Variants in SAXO1 observed in about 807,000 individuals in gnomAD.
SAXO1 encodes 4930500O09Rik.
A neutral mutation model predicts 17.5 loss-of-function variants in SAXO1; 21 were observed. The observed-to-expected ratio is 1.20, with a 90% CI of 0.85 to 1.72. The LOEUF (loss-of-function observed/expected upper bound fraction) is 1.72, where lower values mean the gene tolerates loss of function less well. Ranked by LOEUF, SAXO1 falls within the 40% of genes most tolerant of loss-of-function variation. The probability of loss-of-function intolerance (pLI) is 0.00; values close to 1 mark genes in which losing one functional copy is unlikely to be tolerated. For synonymous variants in SAXO1, 274 were observed against 216.5 expected (o/e 1.27, Z -2.33); for missense variants, 843 against 596.0 (o/e 1.41, Z -4.32).
At chr9:19,015,385 C>G (rs1834930040) in intron 1 of SAXO1, among the ~76,000 whole-genome samples, 1 of 152,064 alleles carries the variant, frequency 6.6e-6, no homozygotes, top group Non-Finnish European at 1.5e-5. Context: ...ATCCTGTCAC[C>G]CAGGCTGGAG....
At chr9:18,934,418 G>A (rs762140916) in intron 3 of SAXO1, among the ~76,000 whole-genome samples, 2 of 152,054 alleles carry the variant, frequency 1.3e-5, no homozygotes, top group African/African-American at 2.4e-5. Flanking sequence ...CATTTTTGCT[G>A]ATTCTTATGC....
At chr9:18,944,929 T>C (rs1831725820) in intron 2 of SAXO1, among the ~76,000 whole-genome samples, 1 of 152,234 alleles carries the variant, frequency 6.6e-6, no homozygotes, top group Non-Finnish European at 1.5e-5. Context: ...TATATTAAAA[T>C]GGAATCCATC....
intron 1 of SAXO1, among the ~76,000 whole-genome samples, chr9:19,016,368 G>A (rs55708210): frequency 2.8e-3 from 432 of 152,300 alleles, no homozygotes; most frequent in Non-Finnish European, 2.9e-3. Flanking sequence ...CCCAGGTGGC[G>A]GAGGTTGTAG....
At chr9:19,000,343 G>A (rs7045579) in intron 1 of SAXO1, among the ~76,000 whole-genome samples, 37,175 of 148,340 alleles carry the variant, frequency 0.25, 4,793 homozygotes, top group African/African-American at 0.37. Flanking sequence ...ACCCTGTCTG[G>A]GAAGTGAGGA....
At chr9:19,003,832 G>C (rs1434590232) in intron 1 of SAXO1, among the ~76,000 whole-genome samples, 1 of 152,106 alleles carries the variant, frequency 6.6e-6, no homozygotes, top group East Asian at 1.9e-4. Flanking sequence ...ACATAGGCAA[G>C]GGCAAAGACT....
Position 18,928,324 on chromosome 9 carries a change from T to G in SAXO1, c.1153A>C (p.Asn385His). 1 of 1,613,434 alleles carries G rather than the reference T, an allele frequency of 6.2e-7. No homozygotes were observed. The highest frequency in any genetic ancestry group is 8.5e-7 in the Non-Finnish European group (1 of 1,179,660). ...CAATGAGGCTTACAGCTTTTGGTAT[T>G]GATAGGCAGGTGGGGCACATAGTGG... ...RAHYVPHLPI[N>H]TKSCKPHWSG... The change falls in exon 4 of 4, where the codon AAT (asparagine) becomes CAT (histidine). Residue 385 changes from asparagine (N) to histidine (H), a missense_variant. Asn to His is a moderately conservative substitution (Grantham distance 68). Transcript: ENST00000380534.
chr9:18,992,064 G>C (rs1204769376), intron 1 of SAXO1, among the ~76,000 whole-genome samples: 3 of 152,174 alleles, frequency 2.0e-5, no homozygotes, highest in Non-Finnish European at 2.9e-5. Flanking sequence ...CCCCCAATGA[G>C]ATAGGTGTGA....
At chr9:19,040,655 GAA>G (rs936128844) in intron 1 of SAXO1, among the ~76,000 whole-genome samples, 52 of 147,610 alleles carry the variant, frequency 3.5e-4, no homozygotes, top group African/African-American at 1.3e-3. Flanking sequence ...AAAAAAAGAA[GAA>G]AAAAAAAGAG....
At chr9:19,009,211 A>C (rs1834617982) in intron 1 of SAXO1, among the ~76,000 whole-genome samples, 1 of 150,954 alleles carries the variant, frequency 6.6e-6, no homozygotes, top group African/African-American at 2.4e-5. Flanking sequence ...AGAGTAAAAA[A>C]AAATCTTCAC....
intron 1 of SAXO1, among the ~76,000 whole-genome samples, chr9:18,990,983 C>A (rs1006519597): frequency 8.5e-5 from 13 of 152,276 alleles, no homozygotes; most frequent in South Asian, 2.1e-4. Flanking sequence ...CAAGGCGGGG[C>A]ATGGTGACTC....
chr9:18,969,064 T>TC (rs1176572648), intron 1 of SAXO1, among the ~76,000 whole-genome samples: 2 of 152,102 alleles, frequency 1.3e-5, no homozygotes, highest in African/African-American at 4.8e-5. Context: ...TGCAGTTTTT[T>TC]TTTTTGTCTA....
At chr9:18,988,170 C>G (rs970964422) in intron 1 of SAXO1, among the ~76,000 whole-genome samples, 1 of 152,208 alleles carries the variant, frequency 6.6e-6, no homozygotes, top group Non-Finnish European at 1.5e-5. Flanking sequence ...AGTTTTGCAA[C>G]TTCCTAGCCA....
chr9:19,003,719 C>T lies in SAXO1; in HGVS notation c.38+29152G>A, dbSNP rs558253553. Among the ~76,000 whole-genome samples the T allele has an allele frequency of 7.2e-5, 11 of 152,308 alleles. No individual in the cohort carries two copies. The East Asian group carries it at 2.1e-3, about 29-fold the overall frequency. ...TAGAAAGCTAAAACTGGACTCCTTC[C>T]TTACACCTTAAACAAAAATTGACTC... On this transcript the variant is annotated intron_variant, in intron 1 of 3. Transcript: ENST00000380534.
At chr9:18,972,011 G>C (rs1374336696) in intron 1 of SAXO1, among the ~76,000 whole-genome samples, 1 of 152,150 alleles carries the variant, frequency 6.6e-6, no homozygotes, top group Non-Finnish European at 1.5e-5. Flanking sequence ...AAAGAACCAC[G>C]CTGGAAAAAT....
intron 3 of SAXO1, among the ~76,000 whole-genome samples, chr9:18,940,439 C>T (rs1422182814): frequency 6.6e-6 from 1 of 152,202 alleles, no homozygotes; most frequent in Non-Finnish European, 1.5e-5. Flanking sequence ...GTCTTCAGTT[C>T]CTGGAAGAAT....
At chr9:18,971,673 C>G (rs535007198) in intron 1 of SAXO1, among the ~76,000 whole-genome samples, 3 of 152,172 alleles carry the variant, frequency 2.0e-5, no homozygotes, top group African/African-American at 7.2e-5. Flanking sequence ...AATGAAATTA[C>G]TTCCCTATAC....
At chr9:18,957,147 G>A (rs1468940412) in intron 1 of SAXO1, among the ~76,000 whole-genome samples, 3 of 152,094 alleles carry the variant, frequency 2.0e-5, no homozygotes, top group Admixed American at 6.6e-5. Flanking sequence ...AGTCTTCCAA[G>A]ACATCCTCCT....
chr9:18,965,106 C>T (rs1832659787), intron 1 of SAXO1, among the ~76,000 whole-genome samples: 1 of 152,222 alleles, frequency 6.6e-6, no homozygotes, highest in African/African-American at 2.4e-5. Context: ...TTTGATTGCA[C>T]TGTGGCCTGA....
intron 1 of SAXO1, among the ~76,000 whole-genome samples, chr9:18,987,893 T>C (rs1833659486): frequency 1.8e-5 from 2 of 113,840 alleles, no homozygotes; most frequent in African/African-American, 2.7e-5. Flanking sequence ...TGAGACCCTG[T>C]CTCAAAAAAA....
Sources: gnomAD v4.1 joint callset for allele counts (sites outside exome capture counted in the v4.1 genomes callset) on GRCh38, gnomAD v4.1.1 for gene constraint, MANE v1.5 for transcripts, NCBI Gene and HGNC (gene_info 2026-07-23, HGNC 2026-07-21) for gene names.